ARHGAP15: variants seen among roughly 807,000 people sequenced by gnomAD.
ARHGAP15 encodes Rho GTPase activating protein 15.
Under a neutral mutation model 63.7 loss-of-function variants are expected in ARHGAP15, and 51 were observed. The observed-to-expected ratio is 0.80, with a 90% CI of 0.64 to 1.01. The LOEUF (loss-of-function observed/expected upper bound fraction) is 1.01. Ranked by LOEUF, ARHGAP15 falls within the 50% of genes least tolerant of loss-of-function variation. The pLI is 0.00. For synonymous variants in ARHGAP15, 191 were observed against 193.8 expected, an observed-to-expected ratio of 0.99 and a Z score of 0.12; for missense variants, 560 against 564.6, an observed-to-expected ratio of 0.99 and a Z score of 0.08.
rs78276466 is a variant in ARHGAP15, at chr2:143,632,035, A to G, written c.1138+7768A>G. ...TAGCTTTTATTATTTTAAATGATGC[A>G]TAATTGTACATATTTATGGGGTAGA... On this transcript the variant is annotated intron_variant, in intron 12 of 13. Transcript: ENST00000295095. Among the ~76,000 whole-genome samples the G allele has an allele frequency of 6.3e-3, 956 of 152,170 alleles. 7 individuals carry two copies. The highest frequency in any genetic ancestry group is 0.054 in the Middle Eastern group (16 of 294).
intron 6 of ARHGAP15, among the ~76,000 whole-genome samples, chr2:143,368,744 T>C (rs1233148515): frequency 6.6e-6 from 1 of 152,066 alleles, no homozygotes; most frequent in African/African-American, 2.4e-5. Context: ...AGAAAGCAAG[T>C]GAGAAGCAAG....
At chr2:143,729,499 A>G (rs1343878713) in intron 13 of ARHGAP15, among the ~76,000 whole-genome samples, 2 of 152,126 alleles carry the variant, frequency 1.3e-5, no homozygotes, top group African/African-American at 4.8e-5. Flanking sequence ...CTTTACCATC[A>G]TTGCATATTA....
chr2:143,678,762 TG>T (rs1265439936), intron 12 of ARHGAP15, among the ~76,000 whole-genome samples: 1 of 152,238 alleles, frequency 6.6e-6, no homozygotes, highest in Admixed American at 6.5e-5. Context: ...GGAAAGAGAT[TG>T]TCAAGTTTCC....
chr2:143,185,478 T>G (rs890918526), intron 2 of ARHGAP15, among the ~76,000 whole-genome samples: 1 of 152,188 alleles, frequency 6.6e-6, no homozygotes, highest in Non-Finnish European at 1.5e-5. Flanking sequence ...CAAACTGCAG[T>G]CTCCTCTAAG....
chr2:143,304,184 GAA>G (rs1367403634), intron 6 of ARHGAP15, among the ~76,000 whole-genome samples: 1 of 152,134 alleles, frequency 6.6e-6, no homozygotes, highest in East Asian at 1.9e-4. Flanking sequence ...ATTCACAATA[GAA>G]AAGACTTGGA....
At chr2:143,419,806 G>A (rs945630253) in intron 6 of ARHGAP15, among the ~76,000 whole-genome samples, 8 of 151,938 alleles carry the variant, frequency 5.3e-5, no homozygotes, top group South Asian at 4.2e-4. Context: ...TTAAGTCTTC[G>A]AGTATGCATT....
rs1418672829 is a variant in ARHGAP15, at chr2:143,308,510, C to A, written c.474+57910C>A. ...CACACACACACACACACACACACTACACAATACACTACACAGTGCCTAGCA... is the reference window on the plus strand; with the variant it reads ...CACACACACACACACACACACACTAAACAATACACTACACAGTGCCTAGCA... On this transcript the variant is annotated intron_variant, in intron 6 of 13. Coordinates refer to ENST00000295095, the MANE Select transcript of ARHGAP15 (RefSeq NM_018460.4). Among the ~76,000 whole-genome samples, 4 of 151,274 alleles carry A rather than the reference C, an allele frequency of 2.6e-5. No individual in the cohort carries two copies. In the East Asian group the frequency reaches 7.8e-4, roughly 29 times the overall value.
chr2:143,440,865 T>G (rs1377526624), intron 8 of ARHGAP15, among the ~76,000 whole-genome samples: 1 of 152,052 alleles, frequency 6.6e-6, no homozygotes, highest in Non-Finnish European at 1.5e-5. Context: ...TCAAAGAAGA[T>G]GTGAACATAT....
chr2:143,158,782 A>T (rs532306202), intron 2 of ARHGAP15, among the ~76,000 whole-genome samples: 55 of 152,060 alleles, frequency 3.6e-4, no homozygotes, highest in African/African-American at 1.3e-3. Flanking sequence ...AGAATGTGCT[A>T]AACAGAAAAT....
chr2:143,602,737 A>C lies in ARHGAP15; in HGVS notation c.1004-21396A>C, dbSNP rs556687224. On this transcript the variant is annotated intron_variant, in intron 11 of 13. Transcript: ENST00000295095. The stretch of plus-strand genomic sequence containing the variant: ...ATGTAAATGTTATATTAAAGAAGCA[A>C]TATCACTGGAAATTCACTTCATCAG... 3.9e-5 allele frequency among the ~76,000 whole-genome samples: 6 copies of C among 152,314 alleles called. No individual in the cohort carries two copies. The East Asian group carries it at 7.7e-4, about 20-fold the overall frequency.
chr2:143,263,491 G>A (rs1680838444), intron 6 of ARHGAP15, among the ~76,000 whole-genome samples: 1 of 152,140 alleles, frequency 6.6e-6, no homozygotes, highest in African/African-American at 2.4e-5. Context: ...GGGAGAAAAA[G>A]CCATGATGTT....
chr2:143,473,042 C>T (rs1246177382), intron 8 of ARHGAP15, among the ~76,000 whole-genome samples: 4 of 152,158 alleles, frequency 2.6e-5, no homozygotes, highest in African/African-American at 9.7e-5. Context: ...CCATTAAACT[C>T]CAAACTAGAA....
intron 6 of ARHGAP15, among the ~76,000 whole-genome samples, chr2:143,383,061 G>A (rs913267125): frequency 1.1e-4 from 16 of 152,164 alleles, no homozygotes; most frequent in Non-Finnish European, 2.4e-4. Flanking sequence ...ACGTAGACGT[G>A]TGTCAAGGTT....
intron 6 of ARHGAP15, among the ~76,000 whole-genome samples, chr2:143,255,621 A>T (rs1338673578): frequency 6.6e-6 from 1 of 152,148 alleles, no homozygotes; most frequent in African/African-American, 2.4e-5. Context: ...ATCTTAAAAA[A>T]ACATAATTTT....
At chr2:143,202,268 A>G (rs1692151290) in intron 3 of ARHGAP15, 66 bp downstream of exon 3, 1 of 1,284,460 alleles carries the variant, frequency 7.8e-7, no homozygotes, top group East Asian at 2.3e-5. Context: ...AAACTCAGCA[A>G]CTTAGAACAG....
At chr2:143,222,963 C>T (rs1396635652) in intron 4 of ARHGAP15, among the ~76,000 whole-genome samples, 3 of 151,936 alleles carry the variant, frequency 2.0e-5, no homozygotes, top group Non-Finnish European at 2.9e-5. Flanking sequence ...AAGATAAATA[C>T]CTGCATTTCT....
intron 12 of ARHGAP15, among the ~76,000 whole-genome samples, chr2:143,658,456 T>C (rs1275367150): frequency 1.3e-5 from 2 of 152,346 alleles, no homozygotes; most frequent in Admixed American, 6.5e-5. Context: ...ATTATTCTTA[T>C]GTTGGTATCA....
At chr2:143,189,544 C>A (rs1369648768) in intron 2 of ARHGAP15, among the ~76,000 whole-genome samples, 1 of 149,614 alleles carries the variant, frequency 6.7e-6, no homozygotes, top group Admixed American at 6.7e-5. Context: ...CTCATTGCAA[C>A]CTCCCCTCTC....
At chr2:143,553,093 T>C (rs1011941810) in intron 10 of ARHGAP15, among the ~76,000 whole-genome samples, 1 of 152,176 alleles carries the variant, frequency 6.6e-6, no homozygotes, top group African/African-American at 2.4e-5. Context: ...ACGTGAATAA[T>C]TGTAATTTGG....
Sources: gnomAD v4.1 joint callset for allele counts (sites outside exome capture counted in the v4.1 genomes callset) on GRCh38, gnomAD v4.1.1 for gene constraint, MANE v1.5 for transcripts, NCBI Gene and HGNC (gene_info 2026-07-23, HGNC 2026-07-21) for gene names.